The following ST3GAL3 variants were observed in gnomAD, a reference collection of about 807,000 sequenced individuals.
The protein encoded by ST3GAL3 is CMP-N-acetylneuraminate-beta-1,4-galactoside alpha-2,3-sialyltransferase.
A neutral mutation model predicts 50.1 loss-of-function variants in ST3GAL3; 21 were observed. The observed-to-expected ratio is 0.42, with a 90% confidence interval of 0.30 to 0.60. ST3GAL3 has a LOEUF of 0.60. Among genes scored for constraint, ST3GAL3 ranks in the 20% least tolerant of loss-of-function variants. The pLI, the probability that ST3GAL3 is intolerant of heterozygous loss-of-function variation, is 0.19. For synonymous variants in ST3GAL3, 183 were observed against 190.0 expected (o/e 0.96, Z 0.30); for missense variants, 353 against 489.4 (o/e 0.72, Z 2.63).
intron 2 of ST3GAL3, among the ~76,000 whole-genome samples, chr1:43,785,364 C>T (rs2057175290): frequency 6.6e-6 from 1 of 152,190 alleles, no homozygotes; most frequent in Non-Finnish European, 1.5e-5. Flanking sequence ...GCAGGTTCAC[C>T]TCACACAGCC....
chr1:43,905,621 C>T (rs1202355441), intron 9 of ST3GAL3, among the ~76,000 whole-genome samples: 2 of 12,810 alleles, frequency 1.6e-4, no homozygotes, highest in Non-Finnish European at 2.4e-4. Flanking sequence ...CCTCCTCCTG[C>T]TTCTCTTCCC....
At chr1:43,906,512 T>C (rs1239152758) in intron 9 of ST3GAL3, among the ~76,000 whole-genome samples, 58 of 97,096 alleles carry the variant, frequency 6.0e-4, no homozygotes, top group Middle Eastern at 6.5e-3. Flanking sequence ...CTCTTCCCCC[T>C]CCTCCTCCTG....
chr1:43,714,446 A>T (rs1666360152), intron 1 of ST3GAL3, among the ~76,000 whole-genome samples: 1 of 149,730 alleles, frequency 6.7e-6, no homozygotes. Context: ...AAAAAAAAAA[A>T]AAAAAAAAAT....
At chr1:43,877,738 A>G (rs2074375844) in intron 5 of ST3GAL3, among the ~76,000 whole-genome samples, 1 of 152,166 alleles carries the variant, frequency 6.6e-6, no homozygotes, top group African/African-American at 2.4e-5. Flanking sequence ...CCTTTTCTTT[A>G]TAAAACCTGC....
At chr1:43,849,428 A>G (rs1241187829) in intron 5 of ST3GAL3, among the ~76,000 whole-genome samples, 1 of 152,152 alleles carries the variant, frequency 6.6e-6, no homozygotes, top group African/African-American at 2.4e-5. Context: ...TTAACTTTTT[A>G]AGAAATTAGT....
At chr1:43,764,393 A>G (rs747990562) in intron 2 of ST3GAL3, among the ~76,000 whole-genome samples, 3 of 152,174 alleles carry the variant, frequency 2.0e-5, no homozygotes, top group Non-Finnish European at 2.9e-5. Context: ...TTTGGGCTAT[A>G]TAATGAGGTA....
At chr1:43,802,923 G>T (rs2059465227) in intron 3 of ST3GAL3, among the ~76,000 whole-genome samples, 1 of 151,996 alleles carries the variant, frequency 6.6e-6, no homozygotes, top group African/African-American at 2.4e-5. Context: ...CAGTTGGTTG[G>T]TTTTTGTTTT....
intron 1 of ST3GAL3, among the ~76,000 whole-genome samples, chr1:43,724,839 C>T (rs1020074292): frequency 7.9e-5 from 12 of 152,082 alleles, no homozygotes; most frequent in African/African-American, 1.4e-4. Context: ...GGTCAAATTG[C>T]GGGAGGACTG....
intron 1 of ST3GAL3, among the ~76,000 whole-genome samples, chr1:43,710,414 C>G (rs1664093242): frequency 6.6e-6 from 1 of 152,208 alleles, no homozygotes; most frequent in African/African-American, 2.4e-5. Flanking sequence ...CTACTGTCAT[C>G]ACACTGATCT....
Position 43,899,091 on chromosome 1 carries a change from G to A in ST3GAL3, c.462-77G>A. The A allele has an allele frequency of 6.2e-7, 1 of 1,604,846 alleles. No homozygotes were observed. The highest frequency in any genetic ancestry group is 8.5e-7 in the Non-Finnish European group (1 of 1,175,994). On this transcript the variant is annotated intron_variant, in intron 7 of 11. Coordinates refer to ENST00000347631, the MANE Select transcript of ST3GAL3 (RefSeq NM_006279.5). This position sits in a 1 kb window ranked among gnomAD's most constrained non-coding sequence, Gnocchi z 5.4. ...GCCTGGTCCTGGACAAGGGCGTGGG[G>A]TCAAGGGCCAAAGGAGCAGGGAAAG...
rs527461141 is a variant in ST3GAL3, at chr1:43,764,100, G to T, written c.118+27720G>T. On this transcript the variant is annotated intron_variant, in intron 2 of 11. Coordinates refer to ENST00000347631, the MANE Select transcript of ST3GAL3 (RefSeq NM_006279.5). ...ACTGCTATAATTACAATAGTACAAG[G>T]TATCAGCACAGATGAATAATATTAA... 2.0e-5 allele frequency among the ~76,000 whole-genome samples: 3 copies of T among 152,178 alleles called. No homozygotes were observed. In the South Asian group the frequency reaches 6.2e-4, roughly 32 times the overall value.
intron 2 of ST3GAL3, among the ~76,000 whole-genome samples, chr1:43,778,388 C>T (rs973241753): frequency 6.6e-6 from 1 of 152,272 alleles, no homozygotes. Context: ...CTTTAACAAA[C>T]CTGCACAACC....
intron 3 of ST3GAL3, among the ~76,000 whole-genome samples, chr1:43,794,086 G>GAA (rs11342279): frequency 8.2e-6 from 1 of 122,202 alleles, no homozygotes; most frequent in East Asian, 2.3e-4. Context: ...CCTGTCTCTG[G>GAA]AAAAAAAAAA....
intron 2 of ST3GAL3, among the ~76,000 whole-genome samples, chr1:43,767,116 G>C (rs941235916): frequency 6.6e-6 from 1 of 152,054 alleles, no homozygotes; most frequent in African/African-American, 2.4e-5. Flanking sequence ...GCGAGAGAAA[G>C]AAAAGAGGTA....
intron 1 of ST3GAL3, among the ~76,000 whole-genome samples, chr1:43,733,668 A>G (rs1380939176): frequency 6.6e-6 from 1 of 152,182 alleles, no homozygotes; most frequent in Non-Finnish European, 1.5e-5. Context: ...TTTCATTTTA[A>G]GAAATTTCTT....
chr1:43,785,479 C>T (rs1037368672), intron 2 of ST3GAL3, among the ~76,000 whole-genome samples: 2 of 152,162 alleles, frequency 1.3e-5, no homozygotes, highest in Non-Finnish European at 2.9e-5. Context: ...TAACTATAGG[C>T]AAGGCCTTCT....
chr1:43,752,717 C>A (rs528713546), intron 2 of ST3GAL3, among the ~76,000 whole-genome samples: 4 of 151,986 alleles, frequency 2.6e-5, no homozygotes, highest in Non-Finnish European at 5.9e-5. Flanking sequence ...TGCCCAGGCT[C>A]GTCTTGAACT....
At chr1:43,817,145 A>G (rs536468351) in intron 4 of ST3GAL3, among the ~76,000 whole-genome samples, 6 of 152,338 alleles carry the variant, frequency 3.9e-5, no homozygotes, top group African/African-American at 1.2e-4. Context: ...GACCTTAGAT[A>G]ATTATTATAT....
At chr1:43,880,933 AC>A in intron 5 of ST3GAL3, among the ~76,000 whole-genome samples, 1 of 152,206 alleles carries the variant, frequency 6.6e-6, no homozygotes, top group Admixed American at 6.5e-5. Flanking sequence ...TATTATTGTG[AC>A]GTTGATCATG....
Sources: allele counts gnomAD v4.1 joint callset (sites outside exome capture counted in the v4.1 genomes callset), GRCh38; gene constraint gnomAD v4.1.1; non-coding constraint Gnocchi (gnomAD v3.1); transcripts MANE v1.5; gene names NCBI Gene and HGNC (gene_info 2026-07-23, HGNC 2026-07-21).